SYNPR: variants seen among roughly 807,000 people sequenced by gnomAD.
SYNPR encodes the protein synaptoporin.
SYNPR carries 23 observed loss-of-function variants against 32.9 expected under a neutral mutation model. The ratio of observed to expected loss-of-function variants is 0.70; its 90% CI spans 0.50 to 0.99. The LOEUF is 0.99. Ranked by LOEUF, SYNPR falls within the 50% of genes least tolerant of loss-of-function variation. The probability of loss-of-function intolerance (pLI) is 0.00; values close to 1 mark genes in which losing one functional copy is unlikely to be tolerated. For missense variants in SYNPR, 318 were observed against 349.3 expected, an observed-to-expected ratio of 0.91 and a Z score of 0.71; for synonymous variants, 146 against 135.9, an observed-to-expected ratio of 1.07 and a Z score of -0.52.
chr3:63,451,780 C>G (rs1021856526), intron 2 of SYNPR, among the ~76,000 whole-genome samples: 3 of 152,120 alleles, frequency 2.0e-5, no homozygotes, highest in African/African-American at 7.2e-5. Flanking sequence ...TTCTCATTAG[C>G]CCCCACTATA....
chr3:63,494,961 A>C (rs1189933358), intron 3 of SYNPR, among the ~76,000 whole-genome samples: 1 of 152,158 alleles, frequency 6.6e-6, no homozygotes, highest in Non-Finnish European at 1.5e-5. Flanking sequence ...GGAATTTAGC[A>C]AATGGTTCTC....
At chr3:63,476,226 G>GGAA (rs1553639780) in intron 2 of SYNPR, among the ~76,000 whole-genome samples, 2 of 85,854 alleles carry the variant, frequency 2.3e-5, no homozygotes, top group African/African-American at 5.0e-5. Context: ...GGGAAGGGAA[G>GGAA]GGAAGGAAGG....
At chr3:63,539,687 T>C (rs1218440264) in intron 3 of SYNPR, among the ~76,000 whole-genome samples, 1 of 152,056 alleles carries the variant, frequency 6.6e-6, no homozygotes, top group Non-Finnish European at 1.5e-5. Flanking sequence ...GGAGCCTTTA[T>C]AGGAGGTGAT....
intron 3 of SYNPR, among the ~76,000 whole-genome samples, chr3:63,492,072 T>A (rs943529692): frequency 6.6e-6 from 1 of 151,946 alleles, no homozygotes; most frequent in Admixed American, 6.6e-5. Flanking sequence ...AAGGAAGAGA[T>A]GCAGCTACTA....
chr3:63,545,531 A>AG (rs1702385107), intron 3 of SYNPR: 1 of 152,140 alleles, frequency 6.6e-6, no homozygotes, highest in South Asian at 2.1e-4. Flanking sequence ...AAATTATTAT[A>AG]GAACCTTCAC....
intron 3 of SYNPR, among the ~76,000 whole-genome samples, chr3:63,548,916 A>G (rs4254650): frequency 0.08 from 12,195 of 152,182 alleles, 1,531 homozygotes; most frequent in African/African-American, 0.26. Flanking sequence ...CACACCGGGT[A>G]AAAGGTTTTG....
chr3:63,340,407 TA>T lies in SYNPR; in HGVS notation c.84+61673del, dbSNP rs953908053. ...TCACCACCTAGATTCTACCATTAAT[TA>T]AAAAAAATGTATTTTTTTTTTTTTT... On this transcript the variant is annotated intron_variant, in intron 2 of 5. Coordinates refer to ENST00000478300, the MANE Select transcript of SYNPR (RefSeq NM_001130003.2). 2.8e-5 allele frequency among the ~76,000 whole-genome samples: 4 copies of T among 141,102 alleles called. No homozygotes were observed. The South Asian group carries it at 9.1e-4, about 32-fold the overall frequency. 92.6% of individuals were successfully genotyped at this position (141,102 alleles called of 152,430 possible). A position where few individuals can be genotyped will look rare whatever the true frequency, so the allele number is the denominator to read the frequency against.
chr3:63,219,483 G>A, the SYNPR span, among the ~76,000 whole-genome samples: 1 of 152,064 alleles, frequency 6.6e-6, no homozygotes, highest in African/African-American at 2.4e-5. Context: ...ATATACAGTT[G>A]ACCTTTTAAC....
chr3:63,548,248 A>G (rs934769821), intron 3 of SYNPR, among the ~76,000 whole-genome samples: 1 of 152,146 alleles, frequency 6.6e-6, no homozygotes, highest in Non-Finnish European at 1.5e-5. Context: ...GTCATAAGTA[A>G]AACAACTAAG....
chr3:63,440,480 G>C (rs1700150577), intron 2 of SYNPR, among the ~76,000 whole-genome samples: 2 of 152,100 alleles, frequency 1.3e-5, no homozygotes, highest in African/African-American at 4.8e-5. Flanking sequence ...AGATTTCTAG[G>C]GGTAAGAGTG....
At chr3:63,447,474 A>G (rs1015775874) in intron 2 of SYNPR, among the ~76,000 whole-genome samples, 2 of 152,176 alleles carry the variant, frequency 1.3e-5, no homozygotes, top group Non-Finnish European at 2.9e-5. Flanking sequence ...ACACATAATT[A>G]GTTTTGGACT....
At chr3:63,502,333 T>C (rs1198258322) in intron 3 of SYNPR, among the ~76,000 whole-genome samples, 1 of 151,560 alleles carries the variant, frequency 6.6e-6, no homozygotes. Context: ...CCTTCCCCCT[T>C]TATCAATATC....
intron 2 of SYNPR, among the ~76,000 whole-genome samples, chr3:63,259,144 CAAGG>C (rs1195964844): frequency 6.6e-6 from 1 of 152,132 alleles, no homozygotes; most frequent in Non-Finnish European, 1.5e-5. Context: ...ACCAGAGGTA[CAAGG>C]AAGAGCTGAT....
chr3:63,569,813 T>C (rs142136918), intron 4 of SYNPR, among the ~76,000 whole-genome samples: 1,611 of 152,086 alleles, frequency 0.011, 16 homozygotes, highest in Non-Finnish European at 0.015. Flanking sequence ...CCCATGTGAT[T>C]TTTTTTTAGC....
the SYNPR span, among the ~76,000 whole-genome samples, chr3:63,211,471 T>C: frequency 8.5e-5 from 13 of 152,226 alleles, no homozygotes; most frequent in Admixed American, 8.5e-4. Context: ...TAGTATTCTG[T>C]TGAATCTTTG....
chr3:63,262,027 TA>T (rs5849542), intron 2 of SYNPR, among the ~76,000 whole-genome samples: 112,920 of 149,086 alleles, frequency 0.76, 43,413 homozygotes, highest in Middle Eastern at 0.84. Context: ...TTAAGTATAA[TA>T]AAAAAAAAAA....
At chr3:63,446,708 G>C (rs1449240088) in intron 2 of SYNPR, among the ~76,000 whole-genome samples, 1 of 152,106 alleles carries the variant, frequency 6.6e-6, no homozygotes, top group South Asian at 2.1e-4. Flanking sequence ...CAACACCTTT[G>C]CTAAATTTAC....
At chr3:63,361,377 G>A (rs925683855) in intron 2 of SYNPR, among the ~76,000 whole-genome samples, 15 of 152,084 alleles carry the variant, frequency 9.9e-5, no homozygotes, top group African/African-American at 3.6e-4. Flanking sequence ...CACAAGGTCA[G>A]TAGATCAAGA....
chr3:63,413,423 A>G (rs2088496059), intron 2 of SYNPR, among the ~76,000 whole-genome samples: 1 of 152,230 alleles, frequency 6.6e-6, no homozygotes, highest in Non-Finnish European at 1.5e-5. Context: ...TGAGTAAATA[A>G]TTGAGAAAGA....
Sources: gnomAD v4.1 joint callset for allele counts (sites outside exome capture counted in the v4.1 genomes callset) on GRCh38, gnomAD v4.1.1 for gene constraint, MANE v1.5 for transcripts, NCBI Gene and HGNC (gene_info 2026-07-23, HGNC 2026-07-21) for gene names.